SLC39A11: variants seen among roughly 807,000 people sequenced by gnomAD.
SLC39A11 encodes the protein solute carrier family 39 member 11.
A neutral mutation model predicts 36.1 loss-of-function variants in SLC39A11; 33 were observed. The observed-to-expected ratio is 0.91, with a 90% CI of 0.69 to 1.22. The LOEUF is 1.22. Ranked by LOEUF, SLC39A11 falls within the 50% of genes most tolerant of loss-of-function variation. The pLI, the probability that SLC39A11 is intolerant of heterozygous loss-of-function variation, is 0.00. For missense variants in SLC39A11, 432 were observed against 430.3 expected, an observed-to-expected ratio of 1.00 and a Z score of -0.03; for synonymous variants, 166 against 170.3, an observed-to-expected ratio of 0.97 and a Z score of 0.20.
intron 5 of SLC39A11, among the ~76,000 whole-genome samples, chr17:72,900,215 AAGAAAGAAAG>A (rs1567913257): frequency 2.0e-5 from 3 of 149,660 alleles, no homozygotes; most frequent in Non-Finnish European, 4.5e-5. Context: ...GAAAGAAAGA[AAGAAAGAAAG>A]AAAGAAAAAG....
chr17:72,653,227 C>T (rs1308758012), intron 7 of SLC39A11, among the ~76,000 whole-genome samples: 1 of 151,500 alleles, frequency 6.6e-6, no homozygotes, highest in Non-Finnish European at 1.5e-5. Flanking sequence ...GCTTCAGCCT[C>T]CCGAGTAGCT....
At chr17:72,904,172 C>T (rs2082534542) in intron 5 of SLC39A11, among the ~76,000 whole-genome samples, 1 of 152,186 alleles carries the variant, frequency 6.6e-6, no homozygotes, top group African/African-American at 2.4e-5. Flanking sequence ...GTGGCACACA[C>T]GTGCAGTCCC....
chr17:72,647,511 C>G lies in SLC39A11; in HGVS notation c.*73G>C. 1 of 1,263,570 alleles carries G rather than the reference C, an allele frequency of 7.9e-7. No individual in the cohort carries two copies. The highest frequency in any genetic ancestry group is 1.1e-6 in the Non-Finnish European group (1 of 891,380). 78.3% of individuals were successfully genotyped at this position (1,263,570 alleles called of 1,614,324 possible). The stretch of plus-strand genomic sequence containing the variant: ...AAAAGTTTTAATGTGAAGAAAGAAG[C>G]TTGTTGTCCCATAGAAGCCAACCAC... On this transcript the variant is annotated 3_prime_UTR_variant, in exon 10 of 10. Transcript: ENST00000255559.
chr17:72,961,092 C>G (rs1196307824), intron 4 of SLC39A11, among the ~76,000 whole-genome samples: 1 of 152,192 alleles, frequency 6.6e-6, no homozygotes, highest in Non-Finnish European at 1.5e-5. Context: ...CACAAGCCAC[C>G]AAACAGAGTG....
At chr17:73,030,780 C>CT (rs1318739291) in intron 4 of SLC39A11, among the ~76,000 whole-genome samples, 1 of 152,172 alleles carries the variant, frequency 6.6e-6, no homozygotes, top group African/African-American at 2.4e-5. Flanking sequence ...GATGACAGGG[C>CT]TTTAGCCAAT....
intron 5 of SLC39A11, among the ~76,000 whole-genome samples, chr17:72,912,795 G>A (rs2083095672): frequency 6.6e-6 from 1 of 152,108 alleles, no homozygotes; most frequent in South Asian, 2.1e-4. Context: ...GTCAGCAATT[G>A]GCATGATCTT....
At chr17:72,700,247 T>A (rs543755211) in intron 7 of SLC39A11, among the ~76,000 whole-genome samples, 1 of 152,328 alleles carries the variant, frequency 6.6e-6, no homozygotes, top group Admixed American at 6.5e-5. Flanking sequence ...AGAACTTGAC[T>A]GCAATTTTAT....
chr17:73,056,980 GAC>G (rs2059690223), intron 3 of SLC39A11, among the ~76,000 whole-genome samples: 2 of 152,010 alleles, frequency 1.3e-5, no homozygotes, highest in South Asian at 2.1e-4. Flanking sequence ...CTTTTCCTGA[GAC>G]ACAGTCTTGC....
intron 5 of SLC39A11, among the ~76,000 whole-genome samples, chr17:72,936,411 T>TAAAAAAAAGAAAAAA (rs869094867): frequency 1.4e-5 from 1 of 73,448 alleles, no homozygotes; most frequent in African/African-American, 5.0e-5. Context: ...TGAAAAAAAG[T>TAAAAAAAAGAAAAAA]AAAAAAAAAA....
intron 6 of SLC39A11, among the ~76,000 whole-genome samples, chr17:72,810,787 G>A (rs952133041): frequency 6.6e-6 from 1 of 152,014 alleles, no homozygotes; most frequent in African/African-American, 2.4e-5. Context: ...CCAGTTTCAA[G>A]CGATTCTCCT....
At position 72,901,525 on chromosome 17, in the gene SLC39A11, G is replaced by T. The variant is rs2082394891; in HGVS notation, c.430+46227C>A. Among the ~76,000 whole-genome samples the T allele has an allele frequency of 2.0e-5, 3 of 152,162 alleles. No individual in the cohort carries two copies. In the South Asian group the frequency reaches 6.2e-4, roughly 32 times the overall value. On this transcript the variant is annotated intron_variant, in intron 5 of 9. Coordinates refer to ENST00000255559, the MANE Select transcript of SLC39A11 (RefSeq NM_139177.4). Reference sequence around the variant, plus strand: ...CCCACCTGGATGGGCCGGGAAGGCAGACCACAGGAGAGAGGCTCGGGTTTG... The same window carrying T: ...CCCACCTGGATGGGCCGGGAAGGCATACCACAGGAGAGAGGCTCGGGTTTG...
At chr17:72,953,198 A>T (rs1282778689) in intron 4 of SLC39A11, among the ~76,000 whole-genome samples, 2 of 152,030 alleles carry the variant, frequency 1.3e-5, no homozygotes, top group Non-Finnish European at 2.9e-5. Flanking sequence ...TGGAATTATT[A>T]TCATAATGAT....
chr17:73,080,609 T>G (rs1401582990), intron 3 of SLC39A11, among the ~76,000 whole-genome samples: 1 of 152,064 alleles, frequency 6.6e-6, no homozygotes, highest in African/African-American at 2.4e-5. Flanking sequence ...CAAAAGCAAA[T>G]GCAACAAAAA....
intron 7 of SLC39A11, among the ~76,000 whole-genome samples, chr17:72,653,925 G>A (rs1471622000): frequency 6.6e-6 from 1 of 152,114 alleles, no homozygotes; most frequent in Admixed American, 6.6e-5. Context: ...ATCTGTCCTA[G>A]TTCAACAGGA....
At chr17:73,068,411 T>A (rs893337348) in intron 3 of SLC39A11, 36 of 427,644 alleles carry the variant, frequency 8.4e-5, no homozygotes, top group Non-Finnish European at 1.4e-4. Context: ...GCAGGAAACA[T>A]CACCACCAGT....
chr17:73,000,920 G>A (rs567576285), intron 4 of SLC39A11, among the ~76,000 whole-genome samples: 2 of 152,198 alleles, frequency 1.3e-5, no homozygotes, highest in African/African-American at 2.4e-5. Flanking sequence ...TCTGTCTGCT[G>A]ACTATTGTTG....
Position 72,762,411 on chromosome 17 carries a change from C to G in SLC39A11, c.602-25692G>C, listed in dbSNP as rs1015924466. Among the ~76,000 whole-genome samples the G allele has an allele frequency of 1.4e-4, 21 of 152,242 alleles. No individual in the cohort carries two copies. The Middle Eastern group carries it at 0.01, about 74-fold the overall frequency. On this transcript the variant is annotated intron_variant, in intron 6 of 9. Transcript: ENST00000255559. ...CAGTTTACAAATGCCATGGCAACAC[C>G]AGGAAGTTACCCTATATGGTCTAAA...
At chr17:72,853,681 G>A (rs1379275787) in intron 5 of SLC39A11, among the ~76,000 whole-genome samples, 4 of 152,114 alleles carry the variant, frequency 2.6e-5, no homozygotes, top group Non-Finnish European at 4.4e-5. Context: ...AATGCCTCAC[G>A]TCCTTGTGAA....
chr17:73,037,036 C>T (rs995196867), intron 3 of SLC39A11, among the ~76,000 whole-genome samples: 5 of 152,210 alleles, frequency 3.3e-5, no homozygotes, highest in Non-Finnish European at 5.9e-5. Flanking sequence ...TTTAAGATTC[C>T]TCCATGTCTT....
Sources: gnomAD v4.1 joint callset for allele counts (sites outside exome capture counted in the v4.1 genomes callset) on GRCh38, gnomAD v4.1.1 for gene constraint, MANE v1.5 for transcripts, NCBI Gene and HGNC (gene_info 2026-07-23, HGNC 2026-07-21) for gene names.